The following KLHL15 variants were observed in gnomAD, a reference collection of about 807,000 sequenced individuals.
The protein encoded by KLHL15 is kelch-like protein 15.
A neutral mutation model predicts 29.3 loss-of-function variants in KLHL15; 1 was observed. The observed-to-expected ratio is 0.03, with a 90% CI of 0.01 to 0.16. The LOEUF (loss-of-function observed/expected upper bound fraction) is 0.16, where lower values mean the gene tolerates loss of function less well. Ranked by LOEUF, KLHL15 falls within the 10% of genes least tolerant of loss-of-function variation. The pLI, the probability that KLHL15 is intolerant of heterozygous loss-of-function variation, is 1.00. For missense variants in KLHL15, 215 were observed against 478.5 expected (o/e 0.45, Z 5.14); for synonymous variants, 212 against 184.5 (o/e 1.15, Z -1.21).
rs1249952881 is a variant in KLHL15 at position 23,985,375 on chromosome X, TA to T, written c.*2545del. On this transcript the variant is annotated 3_prime_UTR_variant, in exon 4 of 4. Transcript: ENST00000328046. ...TTTCCATAGTTTAGTATAACAAAAA[TA>T]AATCTCTTGCAGCAATAAAACCATA... 9.0e-6 allele frequency: 1 copy of T among 111,610 alleles called. No individual in the cohort carries two copies. The highest frequency in any genetic ancestry group is 1.9e-5 in the Non-Finnish European group (1 of 53,077). 9.2% of individuals were successfully genotyped at this position (111,610 alleles called of 1,213,427 possible). A position where few individuals can be genotyped will look rare whatever the true frequency, so the allele number is the denominator to read the frequency against.
chrX:24,018,437 G>GTT (rs541575815), intron 2 of KLHL15, among the ~76,000 whole-genome samples: 1 of 102,133 alleles, frequency 9.8e-6, no homozygotes. Context: ...CAAATAGTAG[G>GTT]TTTTTTTTTT....
rs145973085 is a variant in KLHL15, at chrX:24,006,393, C to T, written c.301G>A (p.Val101Ile). 246 of 1,209,767 alleles carry T rather than the reference C, an allele frequency of 2.0e-4. No homozygotes were observed. Among genetic ancestry groups the T allele is most frequent in the Non-Finnish European group, 2.6e-4 (233 of 894,935 alleles). Residue 101 changes from valine (V) to isoleucine (I), a missense_variant, in exon 3 of 4, where the codon GTT becomes ATT. By Grantham distance (29) the Val-to-Ile change is conservative (BLOSUM62 3). Transcript: ENST00000328046. ...ATGGCAGCCTGAAGAATCTCATGAA[C>T]GGTATTCATACTCAGCTCTATAGTT... ...YGTIELSMNT[V>I]HEILQAAMYV...
intron 2 of KLHL15, among the ~76,000 whole-genome samples, chrX:24,006,972 C>A (rs963503242): frequency 9.1e-6 from 1 of 110,429 alleles, no homozygotes; most frequent in Non-Finnish European, 1.9e-5. Flanking sequence ...CGCTTGAGCC[C>A]AGGAGTTGGA....
chrX:24,019,429 T>A (rs1016793585), intron 2 of KLHL15, among the ~76,000 whole-genome samples: 2 of 110,471 alleles, frequency 1.8e-5, no homozygotes, highest in African/African-American at 6.6e-5. Context: ...CTCATTTTTT[T>A]ATTTTTAGTA....
At chrX:24,011,427 C>T (rs1929572691) in intron 2 of KLHL15, among the ~76,000 whole-genome samples, 1 of 110,717 alleles carries the variant, frequency 9.0e-6, no homozygotes, top group Non-Finnish European at 1.9e-5. Context: ...AGGCGGATCA[C>T]GAAGTCAGGA....
chrX:24,021,110 T>C (rs1182786843), intron 2 of KLHL15, among the ~76,000 whole-genome samples: 1 of 111,975 alleles, frequency 8.9e-6, no homozygotes, highest in Non-Finnish European at 1.9e-5. Flanking sequence ...AATTTCAAAT[T>C]CTGAAAAGGT....
chrX:23,987,725 T>C lies in KLHL15; in HGVS notation c.*196A>G. 1 of 381,553 alleles carries C rather than the reference T, an allele frequency of 2.6e-6. No homozygotes were observed. Among genetic ancestry groups the C allele is most frequent in the Non-Finnish European group, 4.5e-6 (1 of 221,755 alleles). 31.4% of individuals were successfully genotyped at this position (381,553 alleles called of 1,213,427 possible). ...GGAAGTAGTTTCAAGAGCTAGCACT[T>C]AGAATTAACTTATTGCATGAGTTTG... On this transcript the variant is annotated 3_prime_UTR_variant, in exon 4 of 4. Coordinates refer to ENST00000328046, the MANE Select transcript of KLHL15 (RefSeq NM_030624.3).
At chrX:24,017,757 GCAA>G (rs1440238644) in intron 2 of KLHL15, among the ~76,000 whole-genome samples, 1 of 91,315 alleles carries the variant, frequency 1.1e-5, no homozygotes, top group Non-Finnish European at 2.1e-5. Flanking sequence ...TTCAGCCTGG[GCAA>G]CAGAGTGAGA....
intron 3 of KLHL15, among the ~76,000 whole-genome samples, chrX:24,000,663 CAA>C (rs950895685): frequency 2.5e-4 from 28 of 111,317 alleles, no homozygotes; most frequent in African/African-American, 7.5e-4. Context: ...TGTTTTTTTC[CAA>C]AGAGTTTTTG....
intron 2 of KLHL15, among the ~76,000 whole-genome samples, chrX:24,017,779 CAAAAAAAAAA>C (rs531099917): frequency 2.8e-4 from 12 of 42,526 alleles, no homozygotes; most frequent in Non-Finnish European, 4.0e-4. Flanking sequence ...GACCATGTCC[CAAAAAAAAAA>C]AAAAAAAAAA....
intron 2 of KLHL15, among the ~76,000 whole-genome samples, chrX:24,015,180 G>GT (rs764943499): frequency 8.9e-6 from 1 of 112,109 alleles, no homozygotes; most frequent in Admixed American, 9.5e-5. Context: ...AGAAATATCT[G>GT]TAAGTTACTC....
chrX:24,010,152 C>T (rs761351213), intron 2 of KLHL15, among the ~76,000 whole-genome samples: 82 of 111,371 alleles, frequency 7.4e-4, no homozygotes, highest in South Asian at 3.7e-4. Flanking sequence ...CCTACTCCCA[C>T]CCCACTTGGA....
intron 3 of KLHL15, among the ~76,000 whole-genome samples, chrX:23,999,745 C>T (rs1929273797): frequency 8.9e-6 from 1 of 112,092 alleles, no homozygotes; most frequent in African/African-American, 3.2e-5. Context: ...ATTACAGGCA[C>T]TCTTCAGGAA....
Position 23,986,772 on chromosome X carries a change from A to G in KLHL15, c.*1149T>C, listed in dbSNP as rs1234615697. ...TTACCTCTAAGTCAAAACTGAGGTC[A>G]AATTTTCTAAGAGTTTCTACCTTCC... On this transcript the variant is annotated 3_prime_UTR_variant, in exon 4 of 4. Transcript: ENST00000328046. 1 of 112,200 alleles carries G rather than the reference A, an allele frequency of 8.9e-6. No homozygotes were observed. The highest frequency in any genetic ancestry group is 2.8e-4 in the East Asian group (1 of 3,616). 9.2% of individuals were successfully genotyped at this position (112,200 alleles called of 1,213,427 possible).
chrX:24,003,161 C>A (rs1474663321), intron 3 of KLHL15, among the ~76,000 whole-genome samples: 1 of 111,868 alleles, frequency 8.9e-6, no homozygotes, highest in Non-Finnish European at 1.9e-5. Flanking sequence ...AAGCAGCTGC[C>A]CTGGCTTTCA....
Position 24,006,320 on chromosome X carries a change from A to G in KLHL15, c.374T>C (p.Leu125Ser). The change falls in exon 3 of 4, where the codon TTA becomes TCA. Residue 125 changes from leucine (L) to serine (S), a missense_variant. Physicochemically the swap from Leu to Ser is moderately radical, Grantham distance 145. Coordinates refer to ENST00000328046, the MANE Select transcript of KLHL15 (RefSeq NM_030624.3). ...EVVKFCCSFL[L>S]AKICLENCAE... ...ACAATTTTCTAGGCAGATCTTCGCT[A>G]AGAGAAAAGAGCAGCAGAACTTCAC... The G allele has an allele frequency of 8.3e-7, 1 of 1,211,677 alleles. No homozygotes were observed. Among genetic ancestry groups the G allele is most frequent in the East Asian group, 3.0e-5 (1 of 33,880 alleles).
intron 3 of KLHL15, among the ~76,000 whole-genome samples, chrX:24,004,806 AT>A (rs1269001151): frequency 4.6e-5 from 5 of 108,426 alleles, no homozygotes; most frequent in Middle Eastern, 4.7e-3. Flanking sequence ...AAAAAAAAAA[AT>A]ACATACATAC....
intron 3 of KLHL15, among the ~76,000 whole-genome samples, chrX:23,998,282 G>A (rs1230084759): frequency 9.5e-6 from 1 of 104,857 alleles, no homozygotes; most frequent in Non-Finnish European, 1.9e-5. Flanking sequence ...TGTGTGAGAC[G>A]GAGTCTTGCT....
At chrX:24,019,083 T>C (rs1478540559) in intron 2 of KLHL15, among the ~76,000 whole-genome samples, 5 of 112,193 alleles carry the variant, frequency 4.5e-5, no homozygotes, top group South Asian at 3.7e-4. Context: ...GTATGTGATA[T>C]TGCAACAGAC....
Sources: gnomAD v4.1 joint callset for allele counts (sites outside exome capture counted in the v4.1 genomes callset) on GRCh38, gnomAD v4.1.1 for gene constraint, MANE v1.5 for transcripts, NCBI Gene and HGNC (gene_info 2026-07-23, HGNC 2026-07-21) for gene names.